The following FBLN1 variants were observed in gnomAD, a reference collection of about 807,000 sequenced individuals.
The protein encoded by FBLN1 is fibulin 1.
In FBLN1, 34 loss-of-function variants were observed where a neutral mutation model predicts 89.7. The observed-to-expected ratio is 0.38, with a 90% CI of 0.29 to 0.50. The LOEUF (loss-of-function observed/expected upper bound fraction) is 0.50, where lower values mean the gene tolerates loss of function less well. FBLN1 is among the 20% of genes least tolerant of loss of function. FBLN1 has a pLI of 0.92. For missense variants in FBLN1, 777 were observed against 988.1 expected, an observed-to-expected ratio of 0.79 and a Z score of 2.86; for synonymous variants, 393 against 391.3, an observed-to-expected ratio of 1.00 and a Z score of -0.05.
At position 45,577,033 on chromosome 22, in the gene FBLN1, A is replaced by G. The variant is rs1171895358; in HGVS notation, c.1897A>G (p.Ile633Val). The G allele has an allele frequency of 7.4e-6, 12 of 1,614,020 alleles. No homozygotes were observed. The East Asian group carries it at 2.5e-4, about 33-fold the overall frequency. The change falls in exon 16 of 17, where the codon ATC becomes GTC. Residue 633 changes from isoleucine (I) to valine (V), a missense_variant. Ile to Val is a conservative substitution (Grantham distance 29). Transcript: ENST00000327858. The surrounding 1 kb of genome is among the most constrained non-coding windows in gnomAD (Gnocchi z 6.6). ...PPHPASQANIIFDITEGNLRD... is the reference protein window; with the variant it reads ...PPHPASQANIVFDITEGNLRD... ...GCATCCTGCCAGCCAGGCTAACATC[A>G]TCTTCGACATCACGGAAGGGAACCT... is the stretch of plus-strand genomic sequence containing the variant.
In FBLN1 at chr22:45,536,271, G is replaced by C. The variant is rs1281283733; in HGVS notation, c.922+934G>C. 6.6e-6 allele frequency among the ~76,000 whole-genome samples: 1 copy of C among 152,154 alleles called. No individual in the cohort carries two copies. The highest frequency in any genetic ancestry group is 1.9e-4 in the East Asian group (1 of 5,202). On this transcript the variant is annotated intron_variant, in intron 8 of 16. Transcript: ENST00000327858. This position sits in a 1 kb window ranked among gnomAD's most constrained non-coding sequence, Gnocchi z 5.1. The stretch of plus-strand genomic sequence containing the variant: ...ATGGAAGGTGCCGGGGCTGGGCAGG[G>C]TGGGGGATGGGGAGTGAGTGTTTCC...
In FBLN1 at chr22:45,556,888, G is replaced by A. The variant is rs779073880; in HGVS notation, c.1697+6273G>A. 5.3e-5 allele frequency among the ~76,000 whole-genome samples: 8 copies of A among 152,134 alleles called. No individual in the cohort carries two copies. The highest frequency in any genetic ancestry group is 1.0e-4 in the Non-Finnish European group (7 of 68,020). ...AAAATTTTGCTAGTGGATCACTAGG[G>A]GTGATGGTGAGTGGTGCCACTTCCA... On this transcript the variant is annotated intron_variant, in intron 14 of 16. Coordinates refer to ENST00000327858, the MANE Select transcript of FBLN1 (RefSeq NM_006486.3). This position sits in a 1 kb window ranked among gnomAD's most constrained non-coding sequence, Gnocchi z 4.6.
At chr22:45,599,290 G>A (rs2089211266) in intron 16 of FBLN1, among the ~76,000 whole-genome samples, 1 of 152,168 alleles carries the variant, frequency 6.6e-6, no homozygotes. Flanking sequence ...CCTTTTGACT[G>A]CCCTGGGGAC....
At position 45,537,659 on chromosome 22, in the gene FBLN1, A is replaced by G. The variant is rs2088499772; in HGVS notation, c.922+2322A>G. On this transcript the variant is annotated intron_variant, in intron 8 of 16. Coordinates refer to ENST00000327858, the MANE Select transcript of FBLN1 (RefSeq NM_006486.3). The surrounding 1 kb of genome is among the most constrained non-coding windows in gnomAD (Gnocchi z 5.7). ...AGATAAAAAGACAAGTGGAACAGTG[A>G]GCCCTTAGGACAGGGGCCTCGTCTG... is the stretch of plus-strand genomic sequence containing the variant. Among the ~76,000 whole-genome samples the G allele has an allele frequency of 6.7e-6, 1 of 150,290 alleles. No individual in the cohort carries two copies. Among genetic ancestry groups the G allele is most frequent in the South Asian group, 2.1e-4 (1 of 4,786 alleles).
At chr22:45,600,197 G>C (rs1001719698) in intron 16 of FBLN1, 110 bp from the exon 17 acceptor site, 6 of 1,323,874 alleles carry the variant, frequency 4.5e-6, no homozygotes, top group Non-Finnish European at 5.4e-6. Context: ...GACTCCATGA[G>C]GTCTATGCCT....
In FBLN1 at chr22:45,536,052, A is replaced by G. The variant is rs1211505565; in HGVS notation, c.922+715A>G. 6.6e-6 allele frequency among the ~76,000 whole-genome samples: 1 copy of G among 152,126 alleles called. No individual in the cohort carries two copies. Among genetic ancestry groups the G allele is most frequent in the Non-Finnish European group, 1.5e-5 (1 of 68,012 alleles). Reference sequence around the variant, plus strand: ...TAGCTGGGTGTAGTGGCGCATGCCTACAGTCCCAGCTACTTGGGAGGCTGA... The same window carrying G: ...TAGCTGGGTGTAGTGGCGCATGCCTGCAGTCCCAGCTACTTGGGAGGCTGA... On this transcript the variant is annotated intron_variant, in intron 8 of 16. Transcript: ENST00000327858. This position sits in a 1 kb window ranked among gnomAD's most constrained non-coding sequence, Gnocchi z 5.1.
In FBLN1 at chr22:45,549,629, C is replaced by G. The variant is rs1211739110; in HGVS notation, c.1574-863C>G. Among the ~76,000 whole-genome samples, 1 of 152,238 alleles carries G rather than the reference C, an allele frequency of 6.6e-6. No homozygotes were observed. The highest frequency in any genetic ancestry group is 1.5e-5 in the Non-Finnish European group (1 of 68,044). On this transcript the variant is annotated intron_variant, in intron 13 of 16. Transcript: ENST00000327858. This position sits in a 1 kb window ranked among gnomAD's most constrained non-coding sequence, Gnocchi z 5.7. The stretch of plus-strand genomic sequence containing the variant: ...CACAGCCTGGGGTCCCGCCCAGACT[C>G]AGCATAAACACATTCCTGAGCCGGG...
At chr22:45,573,950 G>A (rs1390012914) in intron 14 of FBLN1, among the ~76,000 whole-genome samples, 2 of 149,216 alleles carry the variant, frequency 1.3e-5, no homozygotes, top group African/African-American at 5.0e-5. Context: ...CACAGTACCT[G>A]GAACCCAGAC....
chr22:45,535,148 A>T (rs1404591848), intron 7 of FBLN1, 52 bp from the exon 8 acceptor site: 24 of 1,608,754 alleles, frequency 1.5e-5, no homozygotes, highest in Admixed American at 5.0e-5. Context: ...GTGTTGTAAG[A>T]TGCTTCTGGC....
intron 14 of FBLN1, among the ~76,000 whole-genome samples, chr22:45,571,822 G>C (rs2088955544): frequency 6.6e-6 from 1 of 152,062 alleles, no homozygotes; most frequent in African/African-American, 2.4e-5. Context: ...GTCTTGATAA[G>C]CCATTTCTCA....
At chr22:45,528,216 G>T (rs1326333120) in intron 4 of FBLN1, among the ~76,000 whole-genome samples, 1 of 152,210 alleles carries the variant, frequency 6.6e-6, no homozygotes, top group African/African-American at 2.4e-5. Context: ...GCAGTGTGCT[G>T]GCAGAACGCC....
chr22:45,599,794 G>A (rs1328830777), intron 16 of FBLN1, among the ~76,000 whole-genome samples: 1 of 152,162 alleles, frequency 6.6e-6, no homozygotes, highest in Non-Finnish European at 1.5e-5. Flanking sequence ...GCACATGCCT[G>A]TAATCCCAGC....
chr22:45,587,802 G>C (rs1257694072), intron 16 of FBLN1, among the ~76,000 whole-genome samples: 1 of 152,186 alleles, frequency 6.6e-6, no homozygotes. Context: ...TCTCCTTTTG[G>C]TGAACTCCTA....
At chr22:45,505,991 ACTCCTGAC>A (rs1488111975) in intron 1 of FBLN1, among the ~76,000 whole-genome samples, 1 of 151,824 alleles carries the variant, frequency 6.6e-6, no homozygotes, top group Non-Finnish European at 1.5e-5. Context: ...CTAGTCTCGA[ACTCCTGAC>A]CTCAGGTGAT....
chr22:45,600,428 C>T lies in FBLN1; in HGVS notation c.2094C>T (p.Val698=), dbSNP rs1920925176. Residue 698 remains valine (V), a synonymous_variant, in exon 17 of 17, where the codon GTC becomes GTT. Transcript: ENST00000327858. ...HRNVVNVHIF[V]SEYWF ...ATGTTGTCAACGTCCACATCTTCGT[C>T]TCTGAGTACTGGTTCTGAGGGCTGG... 1 of 1,614,192 alleles carries T rather than the reference C, an allele frequency of 6.2e-7. No homozygotes were observed. Among genetic ancestry groups the T allele is most frequent in the Non-Finnish European group, 8.5e-7 (1 of 1,180,040 alleles).
At chr22:45,505,703 G>A (rs559931153) in intron 1 of FBLN1, among the ~76,000 whole-genome samples, 2 of 152,348 alleles carry the variant, frequency 1.3e-5, no homozygotes, top group Admixed American at 1.3e-4. Flanking sequence ...ACCTACTTAG[G>A]TTGTCTTGAG....
At chr22:45,587,111 C>T (rs964947726) in intron 16 of FBLN1, among the ~76,000 whole-genome samples, 1 of 152,276 alleles carries the variant, frequency 6.6e-6, no homozygotes, top group East Asian at 1.9e-4. Flanking sequence ...GAGCCTCTCC[C>T]CTCGTCATGT....
At chr22:45,573,100 C>T (rs1328703271) in intron 14 of FBLN1, among the ~76,000 whole-genome samples, 3 of 152,050 alleles carry the variant, frequency 2.0e-5, no homozygotes, top group Non-Finnish European at 4.4e-5. Flanking sequence ...ATGGTGCATG[C>T]CTGTAATCCC....
rs1458721804 is a variant in FBLN1 at position 45,600,439 on chromosome 22, G to T, written c.2105G>T (p.Trp702Leu). Residue 702 changes from tryptophan to leucine, a missense_variant, in exon 17 of 17, where the codon TGG becomes TTG. Coordinates refer to ENST00000327858, the MANE Select transcript of FBLN1 (RefSeq NM_006486.3). ...VNVHIFVSEYWF is the reference protein window; with the variant it reads ...VNVHIFVSEYLF The stretch of plus-strand genomic sequence containing the variant: ...GTCCACATCTTCGTCTCTGAGTACT[G>T]GTTCTGAGGGCTGGTCTGCCGCACA... The T allele has an allele frequency of 1.2e-6, 2 of 1,614,146 alleles. No individual in the cohort carries two copies. The highest frequency in any genetic ancestry group is 8.5e-7 in the Non-Finnish European group (1 of 1,180,042).
Sources: gnomAD v4.1 joint callset for allele counts (sites outside exome capture counted in the v4.1 genomes callset) on GRCh38, gnomAD v4.1.1 for gene constraint, Gnocchi (gnomAD v3.1) non-coding constraint, MANE v1.5 for transcripts, NCBI Gene and HGNC (gene_info 2026-07-23, HGNC 2026-07-21) for gene names.